Variants in HTR7 observed in about 807,000 individuals in gnomAD.
HTR7 encodes 5-HT-7.
A neutral mutation model predicts 34.0 loss-of-function variants in HTR7; 16 were observed. The observed-to-expected ratio is 0.47, with a 90% CI of 0.32 to 0.71. The LOEUF (loss-of-function observed/expected upper bound fraction) is 0.71, where lower values mean the gene tolerates loss of function less well. Ranked by LOEUF, HTR7 falls within the 30% of genes least tolerant of loss-of-function variation. The pLI is 0.04. For synonymous variants in HTR7, 265 were observed against 260.2 expected, an observed-to-expected ratio of 1.02 and a Z score of -0.18; for missense variants, 504 against 625.5, an observed-to-expected ratio of 0.81 and a Z score of 2.07.
intron 1 of HTR7, among the ~76,000 whole-genome samples, chr10:90,808,486 A>C (rs373726659): frequency 3.3e-4 from 50 of 151,334 alleles, no homozygotes; most frequent in African/African-American, 1.2e-3. Flanking sequence ...CCGATCCCTT[A>C]TGTCCATGCC....
chr10:90,857,573 G>C lies in HTR7; in HGVS notation c.99C>G (p.Pro33=), dbSNP rs1453704722. Residue 33 remains proline, a synonymous_variant, in exon 1 of 4, where the codon CCC becomes CCG. Transcript: ENST00000336152. This position sits in a 1 kb window ranked among gnomAD's most constrained non-coding sequence, Gnocchi z 6.5. ...CCGCGACCGGGTCGGCGCCACCGTCGGGGCTCAAGTCGGGCAGCCCGCGCC... is the reference window on the plus strand; with the variant it reads ...CCGCGACCGGGTCGGCGCCACCGTCCGGGCTCAAGTCGGGCAGCCCGCGCC... ...EVGRGLPDLS[P]DGGADPVAGS... is the part of the protein sequence containing the mutation. The C allele has an allele frequency of 5.6e-6, 9 of 1,595,322 alleles. No individual in the cohort carries two copies. Among genetic ancestry groups the C allele is most frequent in the Non-Finnish European group, 6.0e-6 (7 of 1,172,642 alleles).
intron 1 of HTR7, among the ~76,000 whole-genome samples, chr10:90,791,364 T>C (rs1288771586): frequency 6.6e-6 from 1 of 151,596 alleles, no homozygotes; most frequent in Non-Finnish European, 1.5e-5. Flanking sequence ...AGATTGGGGG[T>C]GAGTAATTTC....
chr10:90,761,515 T>C (rs1162579872), intron 1 of HTR7, among the ~76,000 whole-genome samples: 7 of 152,164 alleles, frequency 4.6e-5, no homozygotes, highest in Admixed American at 2.6e-4. Flanking sequence ...TAGATGTCTT[T>C]AAGGATGCAA....
intron 1 of HTR7, among the ~76,000 whole-genome samples, chr10:90,758,807 G>A (rs1235671288): frequency 6.6e-6 from 1 of 152,000 alleles, no homozygotes; most frequent in Non-Finnish European, 1.5e-5. Context: ...AAATATGCAA[G>A]GTAGAAAAAA....
intron 1 of HTR7, among the ~76,000 whole-genome samples, chr10:90,767,092 C>G (rs747027025): frequency 2.6e-5 from 4 of 152,030 alleles, no homozygotes; most frequent in Non-Finnish European, 5.9e-5. Flanking sequence ...TTGGGAAGAG[C>G]CTTAGGCTGG....
In HTR7 at chr10:90,787,926, C is replaced by A. The variant is rs184564408; in HGVS notation, c.540-38332G>T. 2.6e-5 allele frequency among the ~76,000 whole-genome samples: 4 copies of A among 152,084 alleles called. No homozygotes were observed. The East Asian group carries it at 5.8e-4, about 22-fold the overall frequency. On this transcript the variant is annotated intron_variant, in intron 1 of 3. Transcript: ENST00000336152. The stretch of plus-strand genomic sequence containing the variant: ...TTCTGTATAACAATAAGAGTATATT[C>A]TCCCAAAGTCAGGATCTGAGGCCTA...
intron 1 of HTR7, among the ~76,000 whole-genome samples, chr10:90,785,666 C>T (rs566998714): frequency 6.6e-6 from 1 of 152,310 alleles, no homozygotes; most frequent in South Asian, 2.1e-4. Flanking sequence ...AGCCAAGAAC[C>T]AGTACTGAGC....
At chr10:90,853,590 TCAC>T (rs944938337) in intron 1 of HTR7, among the ~76,000 whole-genome samples, 3 of 151,902 alleles carry the variant, frequency 2.0e-5, no homozygotes, top group African/African-American at 7.3e-5. Context: ...CAGTTGTGAG[TCAC>T]CACATCTGGC....
chr10:90,754,761 T>G (rs1184105684), intron 1 of HTR7, among the ~76,000 whole-genome samples: 1 of 152,238 alleles, frequency 6.6e-6, no homozygotes, highest in African/African-American at 2.4e-5. Flanking sequence ...GGTTCTTTAA[T>G]TAAATGGCTT....
chr10:90,848,757 G>C (rs1846450409), intron 1 of HTR7, among the ~76,000 whole-genome samples: 1 of 152,200 alleles, frequency 6.6e-6, no homozygotes, highest in Admixed American at 6.5e-5. Context: ...AGATTCACTT[G>C]GTTGCTGGGT....
intron 3 of HTR7, among the ~76,000 whole-genome samples, chr10:90,743,198 C>T (rs183821626): frequency 1.3e-5 from 2 of 152,258 alleles, no homozygotes; most frequent in South Asian, 2.1e-4. Context: ...TCTAAAGCAC[C>T]CCCTACCCTG....
intron 1 of HTR7, among the ~76,000 whole-genome samples, chr10:90,811,149 G>GA (rs1219401422): frequency 6.6e-6 from 1 of 152,120 alleles, no homozygotes; most frequent in Non-Finnish European, 1.5e-5. Context: ...ACACAGAGCT[G>GA]AAGTGCAGGG....
chr10:90,757,396 A>G (rs1480556632), intron 1 of HTR7, among the ~76,000 whole-genome samples: 1 of 152,240 alleles, frequency 6.6e-6, no homozygotes, highest in Non-Finnish European at 1.5e-5. Context: ...CTTTCAGGAC[A>G]CTGAGCTCAA....
intron 1 of HTR7, among the ~76,000 whole-genome samples, chr10:90,780,622 T>C (rs1367574822): frequency 6.6e-6 from 1 of 151,430 alleles, no homozygotes; most frequent in Non-Finnish European, 1.5e-5. Context: ...AATGATTAAA[T>C]GAATACACAA....
At chr10:90,806,629 T>C (rs1249864983) in intron 1 of HTR7, among the ~76,000 whole-genome samples, 1 of 150,942 alleles carries the variant, frequency 6.6e-6, no homozygotes, top group South Asian at 2.1e-4. Flanking sequence ...ATTTAAAAAA[T>C]AAAAAAATAA....
chr10:90,790,609 C>T (rs1442515926), intron 1 of HTR7, among the ~76,000 whole-genome samples: 1 of 152,158 alleles, frequency 6.6e-6, no homozygotes, highest in Non-Finnish European at 1.5e-5. Flanking sequence ...TTAATAACTG[C>T]ATGCACTTGT....
intron 1 of HTR7, among the ~76,000 whole-genome samples, chr10:90,789,987 A>G (rs1466506885): frequency 2.0e-5 from 3 of 152,130 alleles, no homozygotes; most frequent in Non-Finnish European, 4.4e-5. Flanking sequence ...TCATTTTTTC[A>G]AGAAAATATC....
chr10:90,826,532 A>AGGGCT (rs112343361), intron 1 of HTR7, among the ~76,000 whole-genome samples: 1 of 143,004 alleles, frequency 7.0e-6, no homozygotes, highest in South Asian at 2.4e-4. Context: ...AAAAATAATA[A>AGGGCT]TTTTAAGGCA....
chr10:90,822,949 G>C (rs1281015317), intron 1 of HTR7, among the ~76,000 whole-genome samples: 1 of 152,246 alleles, frequency 6.6e-6, no homozygotes, highest in African/African-American at 2.4e-5. Context: ...GTGCACAGAA[G>C]GCAAGAGATG....
Sources: allele counts gnomAD v4.1 joint callset (sites outside exome capture counted in the v4.1 genomes callset), GRCh38; gene constraint gnomAD v4.1.1; non-coding constraint Gnocchi (gnomAD v3.1); transcripts MANE v1.5; gene names NCBI Gene and HGNC (gene_info 2026-07-23, HGNC 2026-07-21).